Variants in RBFOX1 observed in about 807,000 individuals in gnomAD.
RBFOX1 encodes RNA binding protein fox-1 homolog 1.
In RBFOX1, 8 loss-of-function variants were observed where a neutral mutation model predicts 57.7. The ratio of observed to expected loss-of-function variants is 0.14; its 90% CI spans 0.08 to 0.25. The LOEUF is 0.25. Ranked by LOEUF, RBFOX1 falls within the 10% of genes least tolerant of loss-of-function variation. The pLI, the probability that RBFOX1 is intolerant of heterozygous loss-of-function variation, is 1.00. For synonymous variants in RBFOX1, 326 were observed against 222.4 expected, an observed-to-expected ratio of 1.47 and a Z score of -4.15; for missense variants, 611 against 548.5, an observed-to-expected ratio of 1.11 and a Z score of -1.14.
At chr16:7,280,043 C>T (rs929328241) in intron 4 of RBFOX1, among the ~76,000 whole-genome samples, 15 of 152,278 alleles carry the variant, frequency 9.9e-5, no homozygotes, top group East Asian at 3.9e-4. Context: ...GTTTGGTTCC[C>T]GCTGCGATTG....
At chr16:7,300,165 C>A (rs1310029263) in intron 4 of RBFOX1, among the ~76,000 whole-genome samples, 3 of 152,142 alleles carry the variant, frequency 2.0e-5, no homozygotes, top group Non-Finnish European at 2.9e-5. Context: ...GCACTCACCA[C>A]CATCTATTGT....
At chr16:6,494,209 C>T (rs534673747) in intron 2 of RBFOX1, among the ~76,000 whole-genome samples, 8 of 152,110 alleles carry the variant, frequency 5.3e-5, no homozygotes, top group African/African-American at 1.9e-4. Context: ...AATCCACTGA[C>T]CTTATTTGAA....
intron 3 of RBFOX1, among the ~76,000 whole-genome samples, chr16:6,974,425 A>G (rs1337281463): frequency 7.4e-6 from 1 of 135,872 alleles, no homozygotes; most frequent in Admixed American, 8.3e-5. Flanking sequence ...GTTCACTGCA[A>G]CTTTCGCCTC....
chr16:6,045,511 ATTCATTCATTCATTTG>A (rs989506068), intron 1 of RBFOX1, among the ~76,000 whole-genome samples: 1 of 152,224 alleles, frequency 6.6e-6, no homozygotes, highest in African/African-American at 2.4e-5. Flanking sequence ...TCATTCATGC[ATTCATTCATTCATTTG>A]TTCATTCATT....
intron 1 of RBFOX1, among the ~76,000 whole-genome samples, chr16:6,137,463 C>T (rs2096674833): frequency 6.6e-6 from 1 of 151,996 alleles, no homozygotes; most frequent in Non-Finnish European, 1.5e-5. Flanking sequence ...GGCCACCACG[C>T]CTGGGTAATT....
At chr16:7,528,964 G>T (rs924144543) in intron 5 of RBFOX1, among the ~76,000 whole-genome samples, 2 of 152,182 alleles carry the variant, frequency 1.3e-5, no homozygotes, top group African/African-American at 4.8e-5. Context: ...TAAGTTATGG[G>T]TTGGAAACGG....
intron 3 of RBFOX1, among the ~76,000 whole-genome samples, chr16:7,017,910 T>G (rs1222046858): frequency 5.9e-5 from 9 of 152,178 alleles, no homozygotes; most frequent in Non-Finnish European, 1.2e-4. Flanking sequence ...GAAAGACATT[T>G]ACCAAAATGC....
At chr16:7,077,844 C>A (rs1354307627) in intron 4 of RBFOX1, among the ~76,000 whole-genome samples, 1 of 152,086 alleles carries the variant, frequency 6.6e-6, no homozygotes, top group Non-Finnish European at 1.5e-5. Flanking sequence ...CAGCTACAAC[C>A]AATTTCTCCC....
intron 4 of RBFOX1, among the ~76,000 whole-genome samples, chr16:7,477,312 A>G (rs545692302): frequency 3.9e-5 from 6 of 152,266 alleles, no homozygotes; most frequent in East Asian, 1.9e-4. Context: ...ATATATTCAT[A>G]TCATCTATTT....
At chr16:6,412,037 C>T (rs930102568) in intron 2 of RBFOX1, among the ~76,000 whole-genome samples, 5 of 151,100 alleles carry the variant, frequency 3.3e-5, no homozygotes, top group Non-Finnish European at 5.9e-5. Flanking sequence ...GAGGCTGAGG[C>T]AGGAAAATTG....
chr16:7,352,346 G>C (rs2097143735), intron 4 of RBFOX1, among the ~76,000 whole-genome samples: 1 of 152,150 alleles, frequency 6.6e-6, no homozygotes, highest in Non-Finnish European at 1.5e-5. Flanking sequence ...GACCAAGTCG[G>C]AGAGAACTGA....
chr16:7,330,525 T>TGG, intron 4 of RBFOX1, among the ~76,000 whole-genome samples: 1 of 132,920 alleles, frequency 7.5e-6, no homozygotes, highest in African/African-American at 2.9e-5. Flanking sequence ...TGTGTGTGTG[T>TGG]AGAGAGAGAG....
At chr16:5,796,575 A>G (rs948760772) in intron 3 of RBFOX1, among the ~76,000 whole-genome samples, 2 of 152,088 alleles carry the variant, frequency 1.3e-5, no homozygotes, top group Non-Finnish European at 2.9e-5. Flanking sequence ...CCTGATGATG[A>G]TGATGATGGT....
intron 4 of RBFOX1, among the ~76,000 whole-genome samples, chr16:7,128,885 A>T (rs971627262): frequency 1.4e-5 from 2 of 146,362 alleles, no homozygotes; most frequent in East Asian, 2.0e-4. Flanking sequence ...CAGTGGTGCA[A>T]TCTCGGCTCA....
chr16:5,700,120 C>CGG (rs2050991564), intron 3 of RBFOX1, among the ~76,000 whole-genome samples: 1 of 152,188 alleles, frequency 6.6e-6, no homozygotes, highest in Non-Finnish European at 1.5e-5. Flanking sequence ...GCGTGAGCCA[C>CGG]CATGCCTGGC....
chr16:6,164,530 T>C (rs2096902182), intron 1 of RBFOX1, among the ~76,000 whole-genome samples: 1 of 151,216 alleles, frequency 6.6e-6, no homozygotes, highest in African/African-American at 2.4e-5. Flanking sequence ...GCAGTGGTGC[T>C]ATCTCGGCCC....
chr16:6,813,790 G>A (rs1301333849), intron 3 of RBFOX1, among the ~76,000 whole-genome samples: 1 of 152,162 alleles, frequency 6.6e-6, no homozygotes, highest in Admixed American at 6.5e-5. Context: ...GCAGAGATGC[G>A]GAGGATTCCT....
Position 7,472,474 on chromosome 16 carries a change from A to T in RBFOX1, c.28-45673A>T, listed in dbSNP as rs575462621. Among the ~76,000 whole-genome samples the T allele has an allele frequency of 3.9e-5, 6 of 152,336 alleles. No individual in the cohort carries two copies. In the East Asian group the frequency reaches 1.2e-3, roughly 29 times the overall value. ...CTATAAGTCTGAAACCAGTGTTATG[A>T]AACTTGCAAAGAAAAGATTAAGTTA... On this transcript the variant is annotated intron_variant, in intron 4 of 15. Coordinates refer to ENST00000550418, the MANE Select transcript of RBFOX1 (RefSeq NM_018723.4).
intron 3 of RBFOX1, among the ~76,000 whole-genome samples, chr16:5,834,225 T>G (rs945235099): frequency 1.3e-5 from 2 of 152,214 alleles, no homozygotes; most frequent in African/African-American, 4.8e-5. Context: ...CTCATCTGAA[T>G]AGTGTATATT....
Sources: gnomAD v4.1 joint callset for allele counts (sites outside exome capture counted in the v4.1 genomes callset) on GRCh38, gnomAD v4.1.1 for gene constraint, MANE v1.5 for transcripts, NCBI Gene and HGNC (gene_info 2026-07-23, HGNC 2026-07-21) for gene names.